ZNF90: variants seen among roughly 807,000 people sequenced by gnomAD.
ZNF90 encodes the protein zinc finger protein HTF9.
In ZNF90, 11 loss-of-function variants were observed where a neutral mutation model predicts 12.0. The ratio of observed to expected loss-of-function variants is 0.92; its 90% CI spans 0.58 to 1.52. ZNF90 has a LOEUF of 1.52. ZNF90 is among the 40% of genes most tolerant of loss of function. The pLI, the probability that ZNF90 is intolerant of heterozygous loss-of-function variation, is 0.00. For synonymous variants in ZNF90, 232 were observed against 240.1 expected (o/e 0.97, Z 0.31); for missense variants, 765 against 711.5 (o/e 1.08, Z -0.86).
chr19:20,085,268 C>CTTTTTTTTTTTTTTTTTTTTTT (rs56068843), intron 1 of ZNF90, among the ~76,000 whole-genome samples: 1 of 135,572 alleles, frequency 7.4e-6, no homozygotes. Context: ...TTGCATTGGT[C>CTTTTTTTTTTTTTTTTTTTTTT]TTTTTTTTTT....
chr19:20,096,400 C>A (rs2088946085), intron 1 of ZNF90, among the ~76,000 whole-genome samples: 1 of 152,124 alleles, frequency 6.6e-6, no homozygotes. Flanking sequence ...CTTTTAATCA[C>A]CTGAGTGCAG....
chr19:20,092,916 C>CG (rs1398216209), intron 1 of ZNF90, among the ~76,000 whole-genome samples: 2 of 151,958 alleles, frequency 1.3e-5, no homozygotes, highest in Non-Finnish European at 2.9e-5. Flanking sequence ...AGGTGAGAAG[C>CG]GGAGGGGTGG....
intron 1 of ZNF90, among the ~76,000 whole-genome samples, chr19:20,089,611 G>A (rs1183606429): frequency 1.3e-5 from 2 of 152,102 alleles, no homozygotes; most frequent in African/African-American, 4.8e-5. Flanking sequence ...CAAATAGGGG[G>A]GAAGTAGAGT....
At chr19:20,097,811 C>T (rs2088960681) in intron 1 of ZNF90, among the ~76,000 whole-genome samples, 2 of 152,172 alleles carry the variant, frequency 1.3e-5, no homozygotes, top group South Asian at 4.1e-4. Context: ...TTCACAATTG[C>T]CACAAGTAGT....
intron 2 of ZNF90, 42 bp from the exon 3 acceptor site, chr19:20,105,179 G>T (rs539500700): frequency 1.4e-6 from 2 of 1,478,526 alleles, no homozygotes; most frequent in Non-Finnish European, 1.9e-6. Flanking sequence ...TGTAATTGGA[G>T]AATATGAGGA....
At position 20,119,882 on chromosome 19, in the gene ZNF90, C is replaced by T. The variant is rs1555706390; in HGVS notation, c.*522C>T. 1 of 153,978 alleles carries T rather than the reference C, an allele frequency of 6.5e-6. No homozygotes were observed. The highest frequency in any genetic ancestry group is 2.4e-5 in the African/African-American group (1 of 41,438). The allele number at this position is 153,978 out of a possible 1,614,324, so 9.5% of individuals were successfully genotyped here. On this transcript the variant is annotated 3_prime_UTR_variant, in exon 4 of 4. Coordinates refer to ENST00000418063, the MANE Select transcript of ZNF90 (RefSeq NM_007138.2). Reference sequence around the variant, plus strand: ...TACAGTCATGAGCATCCATGCCCAGCCACAAGTTCTCAGTTCTTAAGAGAC... The same window carrying T: ...TACAGTCATGAGCATCCATGCCCAGTCACAAGTTCTCAGTTCTTAAGAGAC...
chr19:20,098,240 A>G (rs1276803261), intron 1 of ZNF90, among the ~76,000 whole-genome samples: 1 of 152,224 alleles, frequency 6.6e-6, no homozygotes, highest in Non-Finnish European at 1.5e-5. Flanking sequence ...CTCTGCCAGG[A>G]ATTTACAAAA....
At chr19:20,105,435 G>T in intron 3 of ZNF90, 119 bp downstream of exon 3, 1 of 776,112 alleles carries the variant, frequency 1.3e-6, no homozygotes, top group East Asian at 3.2e-5. Flanking sequence ...AATAGTTCCT[G>T]GGATTCTGTT....
At chr19:20,092,799 A>T (rs1384724811) in intron 1 of ZNF90, among the ~76,000 whole-genome samples, 2 of 152,142 alleles carry the variant, frequency 1.3e-5, no homozygotes, top group Admixed American at 6.5e-5. Context: ...TTGGAGGGGG[A>T]TACCCGATAT....
chr19:20,117,783 A>T lies in ZNF90; in HGVS notation c.229A>T (p.Met77Leu). ...RHEMIAKSPV[M>L]CFHFAQDLCP... ...TGTGTTCTTATTGTTTCTTTCAGTT[A>T]TGTGTTTTCATTTTGCCCAAGACCT... The change falls in exon 4 of 4, where the codon ATG becomes TTG. Residue 77 changes from methionine (M) to leucine (L), a missense_variant and splice_region_variant. Met to Leu is a conservative substitution (Grantham distance 15, BLOSUM62 2). Transcript: ENST00000418063. 1.3e-6 allele frequency: 2 copies of T among 1,512,628 alleles called. No homozygotes were observed. Among genetic ancestry groups the T allele is most frequent in the Non-Finnish European group, 1.8e-6 (2 of 1,135,830 alleles). The allele number at this position is 1,512,628 out of a possible 1,614,324, so 93.7% of individuals were successfully genotyped here.
chr19:20,116,384 G>T (rs1280359736), intron 3 of ZNF90, among the ~76,000 whole-genome samples: 6 of 152,026 alleles, frequency 3.9e-5, no homozygotes, highest in African/African-American at 1.2e-4. Flanking sequence ...TCTCTAGGCT[G>T]GTCTCATACT....
rs1407779331 is a variant in ZNF90 at position 20,095,561 on chromosome 19, A to AG, written c.4-8672dup. ...GTTCTTACCCTCCAGAAAAGCAGGA[A>AG]GGGGGGTCAGGGCATGGAAATAAGG... On this transcript the variant is annotated intron_variant, in intron 1 of 3. Coordinates refer to ENST00000418063, the MANE Select transcript of ZNF90 (RefSeq NM_007138.2). Among the ~76,000 whole-genome samples, 1,278 of 151,998 alleles carry AG rather than the reference A, an allele frequency of 8.4e-3. 16 individuals are homozygous for AG. Among genetic ancestry groups the AG allele is most frequent in the African/African-American group, 0.029 (1,206 of 41,410 alleles).
At chr19:20,089,670 C>T (rs145473428) in intron 1 of ZNF90, among the ~76,000 whole-genome samples, 7,979 of 152,136 alleles carry the variant, frequency 0.052, 308 homozygotes, top group South Asian at 0.11. Context: ...AGGGCGGCAG[C>T]TTGCTGATGT....
At chr19:20,113,697 G>A (rs1398909357) in intron 3 of ZNF90, among the ~76,000 whole-genome samples, 4 of 151,894 alleles carry the variant, frequency 2.6e-5, no homozygotes, top group South Asian at 2.1e-4. Flanking sequence ...GCGTGTTGGC[G>A]GGCGCTTATA....
At chr19:20,106,801 C>A (rs1442294008) in intron 3 of ZNF90, 2 of 433,754 alleles carry the variant, frequency 4.6e-6, no homozygotes, top group East Asian at 1.4e-4. Context: ...TTGTTGGGCC[C>A]TTAGTGTGAT....
At chr19:20,095,631 T>C (rs1328186856) in intron 1 of ZNF90, among the ~76,000 whole-genome samples, 1 of 151,362 alleles carries the variant, frequency 6.6e-6, no homozygotes, top group African/African-American at 2.4e-5. Flanking sequence ...AAATAAGGGA[T>C]TGGGGCACAG....
chr19:20,091,000 G>T (rs1260822421), intron 1 of ZNF90, among the ~76,000 whole-genome samples: 3 of 152,094 alleles, frequency 2.0e-5, no homozygotes, highest in Non-Finnish European at 4.4e-5. Context: ...GGGTGATTTG[G>T]CTAGTAAAGG....
At chr19:20,086,798 T>C (rs576040480) in intron 1 of ZNF90, among the ~76,000 whole-genome samples, 2 of 152,344 alleles carry the variant, frequency 1.3e-5, no homozygotes, top group East Asian at 3.9e-4. Context: ...TAAGTAGATA[T>C]TAGTGTGACA....
At chr19:20,113,170 G>A (rs1366438949) in intron 3 of ZNF90, among the ~76,000 whole-genome samples, 1 of 151,690 alleles carries the variant, frequency 6.6e-6, no homozygotes, top group African/African-American at 2.4e-5. Flanking sequence ...TTGTTGTAAC[G>A]GTTTTTTATT....
Sources: gnomAD v4.1 joint callset for allele counts (sites outside exome capture counted in the v4.1 genomes callset) on GRCh38, gnomAD v4.1.1 for gene constraint, MANE v1.5 for transcripts, NCBI Gene and HGNC (gene_info 2026-07-23, HGNC 2026-07-21) for gene names.